Variants in ITGA11 observed in about 807,000 individuals in gnomAD.
ITGA11 encodes the protein integrin alpha-11.
ITGA11 carries 97 observed loss-of-function variants against 141.9 expected under a neutral mutation model. That is an observed-to-expected ratio of 0.68 (90% confidence interval 0.58 to 0.81). The LOEUF (loss-of-function observed/expected upper bound fraction) is 0.81, where lower values mean the gene tolerates loss of function less well. Ranked by LOEUF, ITGA11 falls within the 30% of genes least tolerant of loss-of-function variation. ITGA11 has a pLI of 0.00. For missense variants in ITGA11, 1,387 were observed against 1,559.2 expected (o/e 0.89, Z 1.86); for synonymous variants, 658 against 624.6 (o/e 1.05, Z -0.80).
At chr15:68,390,995 A>G (rs1896106561) in intron 2 of ITGA11, among the ~76,000 whole-genome samples, 1 of 152,200 alleles carries the variant, frequency 6.6e-6, no homozygotes, top group Non-Finnish European at 1.5e-5. Context: ...CACTGGCATC[A>G]ACCTCTCCTT....
At chr15:68,319,948 A>G (rs1169328569) in intron 20 of ITGA11, among the ~76,000 whole-genome samples, 1 of 150,186 alleles carries the variant, frequency 6.7e-6, no homozygotes, top group African/African-American at 2.4e-5. Context: ...TTTTTTTTTT[A>G]TTTAATTACT....
At chr15:68,377,939 G>A (rs1313898439) in intron 2 of ITGA11, among the ~76,000 whole-genome samples, 1 of 152,194 alleles carries the variant, frequency 6.6e-6, no homozygotes, top group African/African-American at 2.4e-5. Flanking sequence ...GGAATCTCCT[G>A]CCCAAATAGC....
At chr15:68,364,834 T>C (rs1171450604) in intron 3 of ITGA11, 36 bp from the exon 4 acceptor site, 1 of 1,578,660 alleles carries the variant, frequency 6.3e-7, no homozygotes. Context: ...TGCAGCCCCC[T>C]CCTGCCCGCC....
chr15:68,313,920 C>G (rs1893483447), intron 22 of ITGA11, 52 bp from the exon 23 acceptor site: 1 of 1,449,274 alleles, frequency 6.9e-7, no homozygotes, highest in Non-Finnish European at 9.7e-7. Context: ...CCAGCACAGG[C>G]AGCGGGAAGG....
At position 68,328,962 on chromosome 15, in the gene ITGA11, T is replaced by C. The variant is rs774632878; in HGVS notation, c.1902-700A>G. 2.4e-4 allele frequency among the ~76,000 whole-genome samples: 36 copies of C among 152,130 alleles called. No homozygotes were observed. The highest frequency in any genetic ancestry group is 3.7e-4 in the Non-Finnish European group (25 of 68,020). ...TACCCTTATACCGGCCTAAGTCAAA[T>C]GTAATTAGGAACGGAAACCTATTGC... On this transcript the variant is annotated intron_variant, in intron 15 of 29. Transcript: ENST00000315757. This position sits in a 1 kb window ranked among gnomAD's most constrained non-coding sequence, Gnocchi z 4.8.
rs1463680117 is a variant in ITGA11 at position 68,299,749 on chromosome 15, T to G, written c.*3310A>C. The G allele has an allele frequency of 6.6e-6, 1 of 152,218 alleles. No homozygotes were observed. The highest frequency in any genetic ancestry group is 1.5e-5 in the Non-Finnish European group (1 of 68,042). 9.4% of individuals were successfully genotyped at this position (152,218 alleles called of 1,614,324 possible). A position where few individuals can be genotyped will look rare whatever the true frequency, so the allele number is the denominator to read the frequency against. Reference sequence around the variant, plus strand: ...CTCAGACAGTATTGATGCTAAAACCTTTTGAATACTGACGGAGGTAGGAAT... The same window carrying G: ...CTCAGACAGTATTGATGCTAAAACCGTTTGAATACTGACGGAGGTAGGAAT... On this transcript the variant is annotated 3_prime_UTR_variant, in exon 30 of 30. Coordinates refer to ENST00000315757, the MANE Select transcript of ITGA11 (RefSeq NM_001004439.2).
rs1894241288 is a variant in ITGA11, at chr15:68,333,379, G to A, written c.1426-901C>T. On this transcript the variant is annotated intron_variant, in intron 12 of 29. Coordinates refer to ENST00000315757, the MANE Select transcript of ITGA11 (RefSeq NM_001004439.2). The surrounding 1 kb of genome is among the most constrained non-coding windows in gnomAD (Gnocchi z 4.2). ...GCCTCTCAAAGTGCTGGGATTACAG[G>A]TGTAAGCCACTGTTTTTAATTTTTG... Among the ~76,000 whole-genome samples the A allele has an allele frequency of 6.6e-6, 1 of 152,214 alleles. No homozygotes were observed. Among genetic ancestry groups the A allele is most frequent in the East Asian group, 1.9e-4 (1 of 5,198 alleles).
chr15:68,339,041 T>C (rs1894468745), intron 11 of ITGA11, among the ~76,000 whole-genome samples: 1 of 152,232 alleles, frequency 6.6e-6, no homozygotes, highest in Non-Finnish European at 1.5e-5. Flanking sequence ...TATCTAGATA[T>C]CCACTTCCAA....
At chr15:68,368,860 C>CTTTTTT (rs34788905) in intron 3 of ITGA11, among the ~76,000 whole-genome samples, 1 of 134,848 alleles carries the variant, frequency 7.4e-6, no homozygotes, top group Non-Finnish European at 1.5e-5. Flanking sequence ...ACAGGAAGTC[C>CTTTTTT]TTTTTTTTTT....
Position 68,325,021 on chromosome 15 carries a change from G to A in ITGA11, c.2322+110C>T, listed in dbSNP as rs577744986. Reference sequence around the variant, plus strand: ...AGGACAGGAGGTGGGAAGGTGAGATGAGGGATGGTGTCCTCTGTACCCGGC... The same window carrying A: ...AGGACAGGAGGTGGGAAGGTGAGATAAGGGATGGTGTCCTCTGTACCCGGC... On this transcript the variant is annotated intron_variant, in intron 18 of 29. Coordinates refer to ENST00000315757, the MANE Select transcript of ITGA11 (RefSeq NM_001004439.2). The surrounding 1 kb of genome is among the most constrained non-coding windows in gnomAD (Gnocchi z 5.5). The A allele has an allele frequency of 1.1e-4, 87 of 793,172 alleles. No homozygotes were observed. In the African/African-American group the frequency reaches 1.3e-3, roughly 12 times the overall value. The allele number at this position is 793,172 out of a possible 1,614,324, so 49.1% of individuals were successfully genotyped here. A position where few individuals can be genotyped will look rare whatever the true frequency, so the allele number is the denominator to read the frequency against.
chr15:68,339,625 G>A lies in ITGA11; in HGVS notation c.1151C>T (p.Ala384Val). 6.2e-7 allele frequency: 1 copy of A among 1,613,960 alleles called. No individual in the cohort carries two copies. Among genetic ancestry groups the A allele is most frequent in the Non-Finnish European group, 8.5e-7 (1 of 1,179,884 alleles). ...TCCATTCCAGTCATAGGCACCGACG[G>A]CTCCCAGCAGAACCCCATCCTGGCA... Reference protein sequence around the residue: ...HVVEDGVLLGAVGAYDWNGAV... With the variant: ...HVVEDGVLLGVVGAYDWNGAV... Residue 384 changes from alanine (A) to valine (V), a missense_variant, in exon 11 of 30, where the codon GCC becomes GTC. Coordinates refer to ENST00000315757, the MANE Select transcript of ITGA11 (RefSeq NM_001004439.2).
At chr15:68,350,846 A>G in intron 8 of ITGA11, 64 bp from the exon 9 acceptor site, 1 of 1,519,404 alleles carries the variant, frequency 6.6e-7, no homozygotes, top group Non-Finnish European at 8.9e-7. Flanking sequence ...CATACACCAC[A>G]CGGCCTAGAC....
chr15:68,335,194 C>T lies in ITGA11; in HGVS notation c.1425+503G>A, dbSNP rs947632736. 6.6e-6 allele frequency among the ~76,000 whole-genome samples: 1 copy of T among 152,058 alleles called. No homozygotes were observed. Among genetic ancestry groups the T allele is most frequent in the South Asian group, 2.1e-4 (1 of 4,812 alleles). On this transcript the variant is annotated intron_variant, in intron 12 of 29. Transcript: ENST00000315757. The surrounding 1 kb of genome is among the most constrained non-coding windows in gnomAD (Gnocchi z 4.9). Reference sequence around the variant, plus strand: ...GGGGTTATTTGGGGTCAGGAGGTGGCATGATGCAGGCAGCCCCACCAAGAG... The same window carrying T: ...GGGGTTATTTGGGGTCAGGAGGTGGTATGATGCAGGCAGCCCCACCAAGAG...
chr15:68,349,730 G>T (rs1894846244), intron 9 of ITGA11, among the ~76,000 whole-genome samples: 1 of 152,132 alleles, frequency 6.6e-6, no homozygotes, highest in South Asian at 2.1e-4. Flanking sequence ...TGGTGGAAAT[G>T]AAATTTATGC....
At chr15:68,334,993 C>G (rs541508860) in intron 12 of ITGA11, among the ~76,000 whole-genome samples, 3 of 151,958 alleles carry the variant, frequency 2.0e-5, no homozygotes, top group Non-Finnish European at 4.4e-5. Context: ...CGGTGAGGAG[C>G]GGATTCTCAC....
chr15:68,345,194 C>A (rs895080740), intron 10 of ITGA11, among the ~76,000 whole-genome samples: 1 of 152,124 alleles, frequency 6.6e-6, no homozygotes, highest in East Asian at 1.9e-4. Flanking sequence ...TCTTAGTGAC[C>A]TTTGCGTTCA....
intron 10 of ITGA11, 78 bp downstream of exon 10, chr15:68,348,752 T>C (rs1004641070): frequency 2.3e-6 from 3 of 1,281,062 alleles, no homozygotes; most frequent in Non-Finnish European, 2.2e-6. Context: ...GGATGACAGA[T>C]CCAGAGAGCT....
intron 1 of ITGA11, among the ~76,000 whole-genome samples, chr15:68,430,328 A>T (rs1176237318): frequency 6.6e-6 from 1 of 152,236 alleles, no homozygotes; most frequent in Non-Finnish European, 1.5e-5. Flanking sequence ...ACAGTGCCTT[A>T]GTGCATCCTG....
chr15:68,353,978 C>T (rs1434740288), intron 7 of ITGA11, among the ~76,000 whole-genome samples: 1 of 152,056 alleles, frequency 6.6e-6, no homozygotes. Context: ...CTGAGCTGTT[C>T]CCTCCCAGCC....
Sources: gnomAD v4.1 joint callset for allele counts (sites outside exome capture counted in the v4.1 genomes callset) on GRCh38, gnomAD v4.1.1 for gene constraint, Gnocchi (gnomAD v3.1) non-coding constraint, MANE v1.5 for transcripts, NCBI Gene and HGNC (gene_info 2026-07-23, HGNC 2026-07-21) for gene names.